The following DNAH11 variants were observed in gnomAD, a reference collection of about 807,000 sequenced individuals.
The protein encoded by DNAH11 is axonemal beta dynein heavy chain 11.
Under a neutral mutation model 526.0 loss-of-function variants are expected in DNAH11, and 442 were observed. The ratio of observed to expected loss-of-function variants is 0.84; its 90% CI spans 0.78 to 0.91. The LOEUF (loss-of-function observed/expected upper bound fraction) is 0.91. Ranked by LOEUF, DNAH11 falls within the 40% of genes least tolerant of loss-of-function variation. The probability of loss-of-function intolerance (pLI) is 0.00; values close to 1 mark genes in which losing one functional copy is unlikely to be tolerated. For synonymous variants in DNAH11, 2,461 were observed against 1,935.9 expected (o/e 1.27, Z -7.12); for missense variants, 6,989 against 5,448.7 (o/e 1.28, Z -8.90).
chr7:21,895,417 A>G (rs1784474787), intron 79 of DNAH11, among the ~76,000 whole-genome samples: 1 of 152,182 alleles, frequency 6.6e-6, no homozygotes. Context: ...CTCATAGACA[A>G]CCTTTGAAAG....
In DNAH11 at chr7:21,867,961, C is replaced by T. The variant is rs774332996; in HGVS notation, c.11793C>T (p.Phe3931=). 6.4e-6 allele frequency: 10 copies of T among 1,566,014 alleles called. No individual in the cohort carries two copies. The highest frequency in any genetic ancestry group is 8.7e-6 in the Non-Finnish European group (10 of 1,154,206). ...EESSPATPIF[F]ILSPGVDALK... ...GCAGCCCAGCCACCCCCATATTCTT[C>T]ATCCTGTCTCCGGGGGTAGATGCCC... is the stretch of plus-strand genomic sequence containing the variant. The change falls in exon 72 of 82, where the codon TTC becomes TTT. Residue 3931 remains phenylalanine (F), a synonymous_variant. Transcript: ENST00000409508.
chr7:21,543,681 C>A, intron 1 of DNAH11, 85 bp downstream of exon 1: 1 of 1,432,702 alleles, frequency 7.0e-7, no homozygotes, highest in Non-Finnish European at 9.4e-7. Context: ...TGGATTCCCG[C>A]GGGGCGCTCA....
At chr7:21,574,600 G>T (rs2128438282) in intron 8 of DNAH11, among the ~76,000 whole-genome samples, 1 of 116,676 alleles carries the variant, frequency 8.6e-6, no homozygotes, top group Admixed American at 1.2e-4. Flanking sequence ...GTCTCACTCT[G>T]TCGCCCAGGC....
chr7:21,672,152 G>T (rs62445269), intron 30 of DNAH11, among the ~76,000 whole-genome samples: 8,382 of 152,210 alleles, frequency 0.055, 254 homozygotes, highest in Non-Finnish European at 0.062. Context: ...CCTCGTTGCT[G>T]TTATGAAACA....
chr7:21,637,572 G>T, intron 26 of DNAH11, 39 bp from the exon 27 acceptor site: 1 of 1,250,776 alleles, frequency 8.0e-7, no homozygotes, highest in Non-Finnish European at 1.1e-6. Flanking sequence ...AGAAAAGATT[G>T]TTCTAATATC....
chr7:21,656,718 G>C (rs1484081373), intron 29 of DNAH11, among the ~76,000 whole-genome samples: 1 of 152,110 alleles, frequency 6.6e-6, no homozygotes, highest in Non-Finnish European at 1.5e-5. Flanking sequence ...GGTTGGGGCA[G>C]GGGTTCCTGA....
At chr7:21,638,471 G>A (rs1234192040) in intron 27 of DNAH11, among the ~76,000 whole-genome samples, 1 of 152,096 alleles carries the variant, frequency 6.6e-6, no homozygotes, top group African/African-American at 2.4e-5. Flanking sequence ...TGGATCTTAT[G>A]ACTCCTCTGA....
In DNAH11 at chr7:21,720,075, G is replaced by C. The variant is rs112965940; in HGVS notation, c.7135-650G>C. Among the ~76,000 whole-genome samples the C allele has an allele frequency of 7.1e-3, 1,087 of 152,244 alleles. 15 individuals carry two copies. The highest frequency in any genetic ancestry group is 0.025 in the African/African-American group (1,046 of 41,546). ...TGCCATTTCACCTGGAGAGTATGAA[G>C]AACACGTTCCTGAGTTCCTGAACAG... On this transcript the variant is annotated intron_variant, in intron 43 of 81. Coordinates refer to ENST00000409508, the MANE Select transcript of DNAH11 (RefSeq NM_001277115.2).
In DNAH11 at chr7:21,892,575, G is replaced by A. The variant is rs1199023747; in HGVS notation, c.12658G>A (p.Val4220Met). The A allele has an allele frequency of 1.2e-6, 2 of 1,613,964 alleles. No homozygotes were observed. Among genetic ancestry groups the A allele is most frequent in the Admixed American group, 3.3e-5 (2 of 60,020 alleles). ...HPNAEIEFLT[V>M]TSNTLFRTLL... ...AAATGCTGAAATAGAATTCCTGACA[G>A]TGACATCCAACACTCTCTTCAGAAC... The change falls in exon 77 of 82, where the codon GTG (valine) becomes ATG (methionine). Residue 4220 changes from valine to methionine, a missense_variant. Transcript: ENST00000409508.
intron 65 of DNAH11, among the ~76,000 whole-genome samples, chr7:21,837,972 A>T (rs982560580): frequency 6.6e-6 from 1 of 152,208 alleles, no homozygotes; most frequent in African/African-American, 2.4e-5. Context: ...TGTGTCAATT[A>T]AAAACAGTTT....
intron 57 of DNAH11, among the ~76,000 whole-genome samples, chr7:21,781,092 A>G (rs1025194982): frequency 2.6e-5 from 4 of 152,208 alleles, no homozygotes; most frequent in Admixed American, 2.6e-4. Flanking sequence ...CTGTGTTCAC[A>G]TTTGTCATAT....
chr7:21,615,401 C>A (rs1785723645), intron 21 of DNAH11, 129 bp downstream of exon 21: 3 of 992,432 alleles, frequency 3.0e-6, no homozygotes, highest in South Asian at 2.1e-5. Flanking sequence ...ATCCTCACCC[C>A]AGCCCCAAAT....
At chr7:21,581,820 CTA>C in intron 8 of DNAH11, 83 bp from the exon 9 acceptor site, 1 of 810,462 alleles carries the variant, frequency 1.2e-6, no homozygotes, top group Non-Finnish European at 2.1e-6. Flanking sequence ...CGAGAGAGAG[CTA>C]AAGTAAGGTC....
At chr7:21,729,841 C>G (rs1027326938) in intron 45 of DNAH11, among the ~76,000 whole-genome samples, 1 of 152,220 alleles carries the variant, frequency 6.6e-6, no homozygotes, top group Non-Finnish European at 1.5e-5. Flanking sequence ...TTGTCTTACC[C>G]TGTTCCAAAG....
intron 63 of DNAH11, among the ~76,000 whole-genome samples, chr7:21,815,250 G>A (rs536390753): frequency 6.6e-6 from 1 of 152,200 alleles, no homozygotes; most frequent in East Asian, 1.9e-4. Context: ...TTAAGTAGAA[G>A]GTAACAAACT....
chr7:21,695,328 A>G lies in DNAH11; in HGVS notation c.6042-2747A>G, dbSNP rs982215228. 3.3e-5 allele frequency among the ~76,000 whole-genome samples: 5 copies of G among 152,162 alleles called. No individual in the cohort carries two copies. The South Asian group carries it at 8.3e-4, about 25-fold the overall frequency. On this transcript the variant is annotated intron_variant, in intron 35 of 81. Transcript: ENST00000409508. ...AGAATAAAGCTGGAGGCATCACACT[A>G]CCTGACCTCAAACTATGCTACAAGG...
intron 57 of DNAH11, among the ~76,000 whole-genome samples, chr7:21,781,760 A>G (rs1787950308): frequency 6.6e-6 from 1 of 152,154 alleles, no homozygotes; most frequent in African/African-American, 2.4e-5. Context: ...CAAAAATACC[A>G]CATGGGGTAT....
intron 43 of DNAH11, among the ~76,000 whole-genome samples, chr7:21,720,507 A>G (rs569979092): frequency 1.6e-4 from 25 of 152,156 alleles, no homozygotes; most frequent in Non-Finnish European, 7.3e-5. Context: ...GTTTTTAAAA[A>G]ATAGTTTATT....
chr7:21,782,870 A>G (rs1448755688), intron 57 of DNAH11, among the ~76,000 whole-genome samples: 1 of 151,312 alleles, frequency 6.6e-6, no homozygotes, highest in East Asian at 1.9e-4. Flanking sequence ...AGATCATGCC[A>G]CTGCACTCCA....
Sources: gnomAD v4.1 joint callset for allele counts (sites outside exome capture counted in the v4.1 genomes callset) on GRCh38, gnomAD v4.1.1 for gene constraint, MANE v1.5 for transcripts, NCBI Gene and HGNC (gene_info 2026-07-23, HGNC 2026-07-21) for gene names.